The following LSAMP variants were observed in gnomAD, a reference collection of about 807,000 sequenced individuals.
LSAMP encodes limbic system associated membrane protein, also known as limbic system-associated membrane protein.
A neutral mutation model predicts 38.6 loss-of-function variants in LSAMP; 7 were observed. That is an observed-to-expected ratio of 0.18 (90% CI 0.10 to 0.34). The LOEUF (loss-of-function observed/expected upper bound fraction) is 0.34, where lower values mean the gene tolerates loss of function less well. Among genes scored for constraint, LSAMP ranks in the 10% least tolerant of loss-of-function variants. The pLI, the probability that LSAMP is intolerant of heterozygous loss-of-function variation, is 1.00. For missense variants in LSAMP, 313 were observed against 420.0 expected (o/e 0.75, Z 2.23); for synonymous variants, 154 against 166.8 (o/e 0.92, Z 0.59).
chr3:115,947,345 A>G (rs1441371281), intron 3 of LSAMP, among the ~76,000 whole-genome samples: 1 of 152,200 alleles, frequency 6.6e-6, no homozygotes, highest in African/African-American at 2.4e-5. Context: ...TAAAGGAAGA[A>G]CTAAAACTCC....
At chr3:115,862,738 G>C (rs1048292253) in intron 3 of LSAMP, among the ~76,000 whole-genome samples, 2 of 152,164 alleles carry the variant, frequency 1.3e-5, no homozygotes, top group Admixed American at 6.5e-5. Flanking sequence ...TCTTCATTTT[G>C]ACCTAAAGGT....
chr3:116,335,639 T>G (rs1396306437), intron 1 of LSAMP, among the ~76,000 whole-genome samples: 1 of 152,048 alleles, frequency 6.6e-6, no homozygotes, highest in East Asian at 1.9e-4. Context: ...TCCTGATAAA[T>G]CTATCATACG....
intron 1 of LSAMP, among the ~76,000 whole-genome samples, chr3:116,353,666 A>G (rs968614660): frequency 1.3e-5 from 2 of 152,080 alleles, no homozygotes; most frequent in Non-Finnish European, 2.9e-5. Context: ...ACAATACAAA[A>G]AAATGGAGAG....
At chr3:116,062,146 T>C (rs1941604523) in intron 2 of LSAMP, among the ~76,000 whole-genome samples, 1 of 152,230 alleles carries the variant, frequency 6.6e-6, no homozygotes, top group Admixed American at 6.5e-5. Context: ...GGAATCAGCT[T>C]CATTACTTTA....
intron 3 of LSAMP, among the ~76,000 whole-genome samples, chr3:115,950,798 C>A (rs1156705395): frequency 8.1e-5 from 7 of 86,688 alleles, no homozygotes; most frequent in African/African-American, 3.6e-4. Context: ...CAAGACTTAG[C>A]AAAAAAAAAA....
At chr3:116,376,925 A>G (rs1008485001) in intron 1 of LSAMP, among the ~76,000 whole-genome samples, 2 of 152,064 alleles carry the variant, frequency 1.3e-5, no homozygotes, top group African/African-American at 4.8e-5. Context: ...TGTCTTATCT[A>G]TTTGTACTAC....
chr3:116,337,584 A>G (rs2047937431), intron 1 of LSAMP, among the ~76,000 whole-genome samples: 2 of 152,008 alleles, frequency 1.3e-5, no homozygotes, highest in Admixed American at 1.3e-4. Context: ...TGCTGACCCA[A>G]TGATTAATTA....
At chr3:116,145,298 A>T (rs906383651) in intron 1 of LSAMP, among the ~76,000 whole-genome samples, 1 of 151,864 alleles carries the variant, frequency 6.6e-6, no homozygotes, top group Non-Finnish European at 1.5e-5. Flanking sequence ...AGAACCAGAG[A>T]ACCAGAACTA....
intron 1 of LSAMP, among the ~76,000 whole-genome samples, chr3:116,380,285 T>C (rs758917699): frequency 1.6e-4 from 24 of 152,132 alleles, no homozygotes; most frequent in Admixed American, 2.6e-4. Context: ...CTATTAGTTA[T>C]ATGTCAAAAT....
At chr3:116,164,756 ATATAT>A (rs1559766427) in intron 1 of LSAMP, among the ~76,000 whole-genome samples, 24 of 55,990 alleles carry the variant, frequency 4.3e-4, no homozygotes, top group African/African-American at 5.3e-4. Context: ...ATATATATAT[ATATAT>A]TTTTTTTTTT....
rs1559808329 is a variant in LSAMP, at chr3:116,273,695, T to TATATACA, written c.155+171181_155+171182insTGTATAT. ...AAAGAGAAAGAGGCATATATATATA[T>TATATACA]ATATATATATATACACACACACACA... On this transcript the variant is annotated intron_variant, in intron 1 of 6. Coordinates refer to ENST00000490035, the MANE Select transcript of LSAMP (RefSeq NM_002338.5). 1.1e-4 allele frequency among the ~76,000 whole-genome samples: 14 copies of TATATACA among 123,914 alleles called. 1 individual carries two copies. Among genetic ancestry groups the TATATACA allele is most frequent in the African/African-American group, 4.5e-4 (12 of 26,652 alleles). 81.3% of individuals were successfully genotyped at this position (123,914 alleles called of 152,430 possible).
At chr3:116,365,659 T>A (rs541558264) in intron 1 of LSAMP, among the ~76,000 whole-genome samples, 1 of 48,158 alleles carries the variant, frequency 2.1e-5, no homozygotes, top group Non-Finnish European at 3.4e-5. Context: ...GTGGCACATA[T>A]ACACCATGGA....
chr3:116,011,086 C>T (rs186670122), intron 3 of LSAMP, among the ~76,000 whole-genome samples: 54 of 151,900 alleles, frequency 3.6e-4, no homozygotes, highest in African/African-American at 1.3e-3. Context: ...TCACTGCAAG[C>T]TCTGCCTCCT....
chr3:116,165,294 C>CT (rs1710023262), intron 1 of LSAMP, among the ~76,000 whole-genome samples: 1 of 152,200 alleles, frequency 6.6e-6, no homozygotes, highest in African/African-American at 2.4e-5. Context: ...ATCATTGCAG[C>CT]TTTCTCCTCT....
chr3:116,418,489 G>GTTT (rs143678351), intron 1 of LSAMP, among the ~76,000 whole-genome samples: 1 of 150,984 alleles, frequency 6.6e-6, no homozygotes, highest in African/African-American at 2.4e-5. Context: ...TATTTCTCAT[G>GTTT]TTTTTTTTTA....
intron 1 of LSAMP, among the ~76,000 whole-genome samples, chr3:116,131,384 A>G (rs1051598955): frequency 6.6e-6 from 1 of 152,170 alleles, no homozygotes; most frequent in African/African-American, 2.4e-5. Context: ...CCACCAAGCA[A>G]TGAAACTATT....
chr3:116,410,754 A>G (rs950882867), intron 1 of LSAMP, among the ~76,000 whole-genome samples: 1 of 152,072 alleles, frequency 6.6e-6, no homozygotes, highest in African/African-American at 2.4e-5. Flanking sequence ...TTGCCCATCA[A>G]GCTCAGTAAC....
intron 3 of LSAMP, among the ~76,000 whole-genome samples, chr3:115,884,128 GA>G (rs1286806201): frequency 2.0e-5 from 3 of 151,984 alleles, no homozygotes; most frequent in Non-Finnish European, 1.5e-5. Flanking sequence ...CACAGTGATT[GA>G]ATTTGATTTT....
At chr3:116,392,005 C>T (rs1307723495) in intron 1 of LSAMP, among the ~76,000 whole-genome samples, 1 of 152,198 alleles carries the variant, frequency 6.6e-6, no homozygotes, top group Non-Finnish European at 1.5e-5. Flanking sequence ...TGGGCAGGGC[C>T]ATGAGCCTGG....
Sources: allele counts gnomAD v4.1 joint callset (sites outside exome capture counted in the v4.1 genomes callset), GRCh38; gene constraint gnomAD v4.1.1; transcripts MANE v1.5; gene names NCBI Gene and HGNC (gene_info 2026-07-23, HGNC 2026-07-21).